Variants in KCNJ3 observed in about 807,000 individuals in gnomAD.
KCNJ3 encodes the protein potassium inwardly rectifying channel subfamily J member 3, also known as G protein-activated inward rectifier potassium channel 1.
Under a neutral mutation model 39.2 loss-of-function variants are expected in KCNJ3, and 4 were observed. The observed-to-expected ratio is 0.10, with a 90% CI of 0.05 to 0.23. The LOEUF (loss-of-function observed/expected upper bound fraction) is 0.23. KCNJ3 is among the 10% of genes least tolerant of loss of function. KCNJ3 has a pLI of 1.00. For missense variants in KCNJ3, 276 were observed against 634.9 expected, an observed-to-expected ratio of 0.43 and a Z score of 6.08; for synonymous variants, 230 against 237.4, an observed-to-expected ratio of 0.97 and a Z score of 0.29.
At chr2:154,844,340 C>T (rs1056362714) in intron 2 of KCNJ3, among the ~76,000 whole-genome samples, 11 of 152,090 alleles carry the variant, frequency 7.2e-5, no homozygotes, top group African/African-American at 2.4e-4. Context: ...GAGGGGCAAC[C>T]GCCTAGTGAG....
At chr2:154,785,577 G>C (rs540639779) in intron 2 of KCNJ3, among the ~76,000 whole-genome samples, 15 of 152,244 alleles carry the variant, frequency 9.9e-5, no homozygotes, top group Non-Finnish European at 1.6e-4. Flanking sequence ...CCTGGTAAAA[G>C]GTTCATCGGC....
At chr2:154,729,641 G>A (rs1360148462) in intron 2 of KCNJ3, among the ~76,000 whole-genome samples, 2 of 152,100 alleles carry the variant, frequency 1.3e-5, no homozygotes. Context: ...GGCTTATAAT[G>A]TTTGATAACA....
chr2:154,791,339 A>G (rs748287947), intron 2 of KCNJ3, among the ~76,000 whole-genome samples: 17 of 152,098 alleles, frequency 1.1e-4, no homozygotes, highest in Non-Finnish European at 2.2e-4. Context: ...GATAGAAACA[A>G]GTAAAGTTTG....
intron 2 of KCNJ3, among the ~76,000 whole-genome samples, chr2:154,796,187 A>G (rs1158103615): frequency 1.3e-5 from 2 of 152,130 alleles, no homozygotes; most frequent in South Asian, 4.1e-4. Flanking sequence ...ATTGAGGTCT[A>G]TTGCTGAGGT....
chr2:154,705,899 C>G (rs553824129), intron 1 of KCNJ3, among the ~76,000 whole-genome samples: 1 of 152,036 alleles, frequency 6.6e-6, no homozygotes, highest in South Asian at 2.1e-4. Context: ...ATTTCCTTCC[C>G]AAGATTCTAT....
intron 2 of KCNJ3, among the ~76,000 whole-genome samples, chr2:154,800,332 C>A (rs1403860246): frequency 2.0e-5 from 3 of 152,092 alleles, no homozygotes; most frequent in Admixed American, 6.5e-5. Flanking sequence ...TTTATAAATT[C>A]TGTAAAAATA....
chr2:154,836,623 A>G (rs1056874383), intron 2 of KCNJ3, among the ~76,000 whole-genome samples: 1 of 146,984 alleles, frequency 6.8e-6, no homozygotes, highest in African/African-American at 2.5e-5. Flanking sequence ...AAAATAATAT[A>G]TATTTGTGAT....
intron 2 of KCNJ3, among the ~76,000 whole-genome samples, chr2:154,816,789 A>G (rs137938854): frequency 1.3e-5 from 2 of 152,310 alleles, no homozygotes; most frequent in Admixed American, 6.5e-5. Context: ...GCATGTAAGT[A>G]TTAATAATTA....
chr2:154,746,943 T>C lies in KCNJ3; in HGVS notation c.919+37124T>C, dbSNP rs150764191. Among the ~76,000 whole-genome samples, 429 of 151,956 alleles carry C rather than the reference T, an allele frequency of 2.8e-3. 11 individuals carry two copies. In the East Asian group the frequency reaches 0.058, roughly 21 times the overall value. Reference sequence around the variant, plus strand: ...CTTGAATCTTACCAATAATATCTAGTCTGCCTCTTGTAAAATGACAGCAAG... The same window carrying C: ...CTTGAATCTTACCAATAATATCTAGCCTGCCTCTTGTAAAATGACAGCAAG... On this transcript the variant is annotated intron_variant, in intron 2 of 2. Coordinates refer to ENST00000295101, the MANE Select transcript of KCNJ3 (RefSeq NM_002239.4).
chr2:154,844,851 C>T (rs935630507), intron 2 of KCNJ3, among the ~76,000 whole-genome samples: 2 of 152,172 alleles, frequency 1.3e-5, no homozygotes, highest in African/African-American at 4.8e-5. Flanking sequence ...GGTAGTCTGC[C>T]ATGGCTTCCC....
Position 154,699,863 on chromosome 2 carries a change from G to A in KCNJ3, c.702+386G>A, listed in dbSNP as rs1684857114. On this transcript the variant is annotated intron_variant, in intron 1 of 2. Coordinates refer to ENST00000295101, the MANE Select transcript of KCNJ3 (RefSeq NM_002239.4). This position sits in a 1 kb window ranked among gnomAD's most constrained non-coding sequence, Gnocchi z 6.4. ...TACACACTACCCCATTCAATGCGAG[G>A]TACTAGAACTCAACTGAACAGCTGT... is the stretch of plus-strand genomic sequence containing the variant. 6.6e-6 allele frequency among the ~76,000 whole-genome samples: 1 copy of A among 152,102 alleles called. No individual in the cohort carries two copies. Among genetic ancestry groups the A allele is most frequent in the South Asian group, 2.1e-4 (1 of 4,830 alleles).
intron 2 of KCNJ3, among the ~76,000 whole-genome samples, chr2:154,827,033 T>C (rs1253691315): frequency 6.6e-6 from 1 of 152,198 alleles, no homozygotes; most frequent in Non-Finnish European, 1.5e-5. Flanking sequence ...TCTGTTTAGC[T>C]GAGCGTCCAA....
chr2:154,804,066 T>C (rs1035763601), intron 2 of KCNJ3, among the ~76,000 whole-genome samples: 10 of 152,118 alleles, frequency 6.6e-5, no homozygotes, highest in Admixed American at 2.6e-4. Context: ...CATTTCAAAA[T>C]TTGGAGTCCT....
chr2:154,832,567 T>C (rs868155450), intron 2 of KCNJ3, among the ~76,000 whole-genome samples: 3 of 152,212 alleles, frequency 2.0e-5, no homozygotes, highest in Non-Finnish European at 2.9e-5. Context: ...ACTTAACCAA[T>C]TGATGTCTGA....
intron 2 of KCNJ3, among the ~76,000 whole-genome samples, chr2:154,777,579 G>A (rs560094037): frequency 3.5e-4 from 54 of 152,160 alleles, no homozygotes; most frequent in African/African-American, 1.3e-3. Context: ...AGCTCTGCAC[G>A]ATATAGGATA....
rs1687083509 is a variant in KCNJ3 at position 154,816,388 on chromosome 2, G to A, written c.920-38339G>A. Among the ~76,000 whole-genome samples, 6 of 152,170 alleles carry A rather than the reference G, an allele frequency of 3.9e-5. No individual in the cohort carries two copies. The South Asian group carries it at 1.2e-3, about 32-fold the overall frequency. Reference sequence around the variant, plus strand: ...GCGTCATCATTTGGTTTTTGTTTTTGACCTGTTTTTAACTTTTCCTTTTAT... The same window carrying A: ...GCGTCATCATTTGGTTTTTGTTTTTAACCTGTTTTTAACTTTTCCTTTTAT... On this transcript the variant is annotated intron_variant, in intron 2 of 2. Coordinates refer to ENST00000295101, the MANE Select transcript of KCNJ3 (RefSeq NM_002239.4).
At chr2:154,773,865 G>A (rs976661731) in intron 2 of KCNJ3, among the ~76,000 whole-genome samples, 2 of 152,054 alleles carry the variant, frequency 1.3e-5, no homozygotes, top group African/African-American at 2.4e-5. Context: ...GTCAGAGAAT[G>A]ACTTTTTCTT....
intron 2 of KCNJ3, among the ~76,000 whole-genome samples, chr2:154,746,211 C>G (rs1398763808): frequency 1.3e-5 from 2 of 151,982 alleles, no homozygotes; most frequent in East Asian, 3.9e-4. Flanking sequence ...AATATATAAA[C>G]ATATAACATT....
chr2:154,763,876 C>G (rs1432475683), intron 2 of KCNJ3, among the ~76,000 whole-genome samples: 1 of 152,160 alleles, frequency 6.6e-6, no homozygotes, highest in Non-Finnish European at 1.5e-5. Flanking sequence ...TTGAATGTAG[C>G]ATATACAAAC....
Sources: gnomAD v4.1 joint callset for allele counts (sites outside exome capture counted in the v4.1 genomes callset) on GRCh38, gnomAD v4.1.1 for gene constraint, Gnocchi (gnomAD v3.1) non-coding constraint, MANE v1.5 for transcripts, NCBI Gene and HGNC (gene_info 2026-07-23, HGNC 2026-07-21) for gene names.